The following LRBA variants were observed in gnomAD, a reference collection of about 807,000 sequenced individuals.
The protein encoded by LRBA is LPS responsive beige-like anchor protein.
A neutral mutation model predicts 330.0 loss-of-function variants in LRBA; 176 were observed. That is an observed-to-expected ratio of 0.53 (90% CI 0.47 to 0.60). The LOEUF (loss-of-function observed/expected upper bound fraction) is 0.60, where lower values mean the gene tolerates loss of function less well. LRBA is among the 20% of genes least tolerant of loss of function. The pLI, the probability that LRBA is intolerant of heterozygous loss-of-function variation, is 0.00. For synonymous variants in LRBA, 1,230 were observed against 1,193.0 expected, an observed-to-expected ratio of 1.03 and a Z score of -0.64; for missense variants, 3,259 against 3,444.8, an observed-to-expected ratio of 0.95 and a Z score of 1.35.
intron 34 of LRBA, among the ~76,000 whole-genome samples, chr4:150,787,097 T>C (rs1739186269): frequency 6.6e-6 from 1 of 152,016 alleles, no homozygotes; most frequent in African/African-American, 2.4e-5. Context: ...CCAGGCATGA[T>C]GGTGGGTGCC....
At chr4:150,646,516 C>T (rs1433164007) in intron 37 of LRBA, among the ~76,000 whole-genome samples, 2 of 151,958 alleles carry the variant, frequency 1.3e-5, no homozygotes, top group Non-Finnish European at 2.9e-5. Context: ...AATGAGATCA[C>T]AAGGGATACT....
At chr4:150,878,048 T>G (rs1051862799) in intron 17 of LRBA, among the ~76,000 whole-genome samples, 2 of 152,012 alleles carry the variant, frequency 1.3e-5, no homozygotes, top group African/African-American at 4.8e-5. Context: ...AGACGAAACT[T>G]TAGGCCAGGC....
intron 30 of LRBA, among the ~76,000 whole-genome samples, chr4:150,823,736 G>C (rs1007636003): frequency 4.0e-5 from 6 of 151,782 alleles, no homozygotes; most frequent in Non-Finnish European, 7.4e-5. Context: ...GCATGTTCTT[G>C]GCACCTTTGT....
rs139428686 is a variant in LRBA, at chr4:150,435,609, G to T, written c.7021C>A (p.Arg2341Ser). 6.2e-7 allele frequency: 1 copy of T among 1,612,254 alleles called. No individual in the cohort carries two copies. Among genetic ancestry groups the T allele is most frequent in the Non-Finnish European group, 8.5e-7 (1 of 1,179,302 alleles). ...TGTACCTTAATATCAGAGGTATCAC[G>T]CTGACTGTTTCGCCAAGCTCTGGAA... Reference protein sequence around the residue: ...SISRAWRNSQRDTSDIKELIP... With the variant: ...SISRAWRNSQSDTSDIKELIP... The change falls in exon 46 of 57, where the codon CGT (arginine) becomes AGT (serine). Residue 2341 changes from arginine (R) to serine (S), a missense_variant. Arg to Ser is a moderately radical substitution (Grantham distance 110). Transcript: ENST00000651943.
intron 36 of LRBA, among the ~76,000 whole-genome samples, chr4:150,714,083 T>C (rs1437080215): frequency 2.0e-5 from 3 of 152,282 alleles, no homozygotes; most frequent in East Asian, 3.9e-4. Flanking sequence ...GAGATAAGTA[T>C]AGAAATTGAG....
At chr4:150,672,638 G>A (rs1782167356) in intron 37 of LRBA, among the ~76,000 whole-genome samples, 1 of 151,692 alleles carries the variant, frequency 6.6e-6, no homozygotes, top group South Asian at 2.1e-4. Flanking sequence ...ATTATCATCT[G>A]GATCAGAGAT....
At chr4:150,900,590 C>G (rs571585999) in intron 13 of LRBA, among the ~76,000 whole-genome samples, 1 of 152,130 alleles carries the variant, frequency 6.6e-6, no homozygotes, top group Admixed American at 6.5e-5. Flanking sequence ...TTTGAAAAAG[C>G]TAGAATTTCT....
At chr4:150,727,807 C>A (rs995905862) in intron 36 of LRBA, among the ~76,000 whole-genome samples, 1 of 151,544 alleles carries the variant, frequency 6.6e-6, no homozygotes, top group Non-Finnish European at 1.5e-5. Context: ...TCTTAAAGAA[C>A]TAGAAAAGTA....
intron 13 of LRBA, among the ~76,000 whole-genome samples, chr4:150,902,775 T>TG (rs2127143463): frequency 6.6e-6 from 1 of 152,342 alleles, no homozygotes; most frequent in East Asian, 1.9e-4. Context: ...ACCAAGAACC[T>TG]GGACACTCTC....
At chr4:150,480,290 C>T (rs1177825979) in intron 42 of LRBA, among the ~76,000 whole-genome samples, 1 of 152,058 alleles carries the variant, frequency 6.6e-6, no homozygotes, top group Non-Finnish European at 1.5e-5. Context: ...CTCTCAGAGA[C>T]TTATTAGGTT....
chr4:150,536,134 TATGAGTAAAGAATTGCTCTGAA>T (rs1310419059), intron 40 of LRBA, among the ~76,000 whole-genome samples: 9 of 152,138 alleles, frequency 5.9e-5, no homozygotes, highest in Admixed American at 2.6e-4. Context: ...AAGCCAGTGT[TATGAGTAAAGAATTGCTCTGAA>T]ATGAAAAAAA....
chr4:150,294,730 T>A (rs1323441944), intron 53 of LRBA, among the ~76,000 whole-genome samples: 2 of 152,146 alleles, frequency 1.3e-5, no homozygotes, highest in Non-Finnish European at 1.5e-5. Context: ...GGTGGGCGGA[T>A]CACAAGGTCA....
rs1167350894 is a variant in LRBA, at chr4:150,685,496, T to A, written c.5755-1779A>T. 4.4e-5 allele frequency among the ~76,000 whole-genome samples: 6 copies of A among 136,276 alleles called. No homozygotes were observed. The East Asian group carries it at 1.2e-3, about 26-fold the overall frequency. 89.4% of individuals were successfully genotyped at this position (136,276 alleles called of 152,430 possible). ...CCCAGGCTGGAGTGCAGTGGCGTGA[T>A]CTTCTTGGCTCACTGCAACCTCCGC... On this transcript the variant is annotated intron_variant, in intron 36 of 56. Coordinates refer to ENST00000651943, the MANE Select transcript of LRBA (RefSeq NM_001364905.1).
chr4:150,391,831 GT>G (rs1288991833), intron 47 of LRBA, among the ~76,000 whole-genome samples: 16 of 149,490 alleles, frequency 1.1e-4, no homozygotes, highest in Non-Finnish European at 2.1e-4. Flanking sequence ...CACTTCTTTG[GT>G]TTAGGCTCTC....
At chr4:150,452,246 A>G (rs1581358007) in intron 44 of LRBA, among the ~76,000 whole-genome samples, 2 of 152,332 alleles carry the variant, frequency 1.3e-5, no homozygotes, top group South Asian at 2.1e-4. Context: ...ACACTATACA[A>G]TCAGCCAGTG....
chr4:150,273,621 T>C (rs1272317140), intron 56 of LRBA, among the ~76,000 whole-genome samples: 2 of 152,004 alleles, frequency 1.3e-5, no homozygotes, highest in African/African-American at 2.4e-5. Flanking sequence ...GAGGAAGATT[T>C]TCCAAGCAAA....
intron 37 of LRBA, among the ~76,000 whole-genome samples, chr4:150,649,744 T>A (rs749853613): frequency 6.6e-6 from 1 of 152,140 alleles, no homozygotes; most frequent in Non-Finnish European, 1.5e-5. Flanking sequence ...CTCAATATAA[T>A]TGAGTTACCC....
intron 40 of LRBA, among the ~76,000 whole-genome samples, chr4:150,530,567 T>C (rs1316989214): frequency 1.3e-5 from 2 of 152,208 alleles, no homozygotes; most frequent in African/African-American, 4.8e-5. Flanking sequence ...TGTTATATTT[T>C]GCACTGTTTC....
chr4:150,804,812 T>TA (rs1451923235), intron 33 of LRBA, among the ~76,000 whole-genome samples: 2 of 152,012 alleles, frequency 1.3e-5, no homozygotes, highest in African/African-American at 2.4e-5. Context: ...AGCTTCACCT[T>TA]AAAAAATCCT....
Sources: gnomAD v4.1 joint callset for allele counts (sites outside exome capture counted in the v4.1 genomes callset) on GRCh38, gnomAD v4.1.1 for gene constraint, MANE v1.5 for transcripts, NCBI Gene and HGNC (gene_info 2026-07-23, HGNC 2026-07-21) for gene names.